Variants in KLHDC8A observed in about 807,000 individuals in gnomAD.
The protein encoded by KLHDC8A is kelch domain containing 8A.
KLHDC8A carries 21 observed loss-of-function variants against 33.1 expected under a neutral mutation model. The observed-to-expected ratio is 0.64, with a 90% confidence interval of 0.45 to 0.91. KLHDC8A has a LOEUF of 0.91. Ranked by LOEUF, KLHDC8A falls within the 40% of genes least tolerant of loss-of-function variation. KLHDC8A has a pLI of 0.00. For missense variants in KLHDC8A, 435 were observed against 483.3 expected (o/e 0.90, Z 0.94); for synonymous variants, 173 against 193.5 (o/e 0.89, Z 0.88).
intron 1 of KLHDC8A, among the ~76,000 whole-genome samples, chr1:205,355,842 G>C (rs185865224): frequency 5.9e-5 from 9 of 152,324 alleles, no homozygotes; most frequent in African/African-American, 2.2e-4. Flanking sequence ...TCGGAAGGCA[G>C]GAACCATGTT....
intron 1 of KLHDC8A, among the ~76,000 whole-genome samples, chr1:205,350,143 C>A (rs1222832015): frequency 6.6e-6 from 1 of 152,240 alleles, no homozygotes; most frequent in Non-Finnish European, 1.5e-5. Context: ...GCGCTGCCAG[C>A]TACCCCAGGT....
intron 5 of KLHDC8A, among the ~76,000 whole-genome samples, chr1:205,337,950 A>C (rs74140885): frequency 0.024 from 3,608 of 152,240 alleles, 123 homozygotes; most frequent in African/African-American, 0.067. Flanking sequence ...TGTCCACACT[A>C]AGTAGACTTG....
chr1:205,355,148 CACAGTGT>C (rs1663232007), intron 1 of KLHDC8A, among the ~76,000 whole-genome samples: 2 of 152,182 alleles, frequency 1.3e-5, no homozygotes, highest in African/African-American at 2.4e-5. Context: ...TTCCAGTGTT[CACAGTGT>C]CACACCCTAA....
intron 1 of KLHDC8A, chr1:205,351,114 C>A: frequency 1.6e-6 from 1 of 634,600 alleles, no homozygotes; most frequent in South Asian, 1.7e-5. Context: ...GAAGGGTCCA[C>A]TCCCCGAAGA....
At chr1:205,341,952 C>T (rs1360339606) in intron 2 of KLHDC8A, among the ~76,000 whole-genome samples, 2 of 152,200 alleles carry the variant, frequency 1.3e-5, no homozygotes, top group Non-Finnish European at 2.9e-5. Context: ...CCCGGCCAAT[C>T]TTTGTTTCTT....
At position 205,337,459 on chromosome 1, in the gene KLHDC8A, C is replaced by A; in HGVS notation, c.993G>T (p.Val331=). Residue 331 remains valine (V), a synonymous_variant, in exon 6 of 6, where the codon GTG becomes GTT. Coordinates refer to ENST00000367155, the MANE Select transcript of KLHDC8A (RefSeq NM_018203.3). The part of the protein sequence containing the change: ...SIVVKNCLLA[V]GGVNQGLSDA... ...CACTCAGACCCTGGTTGACACCTCC[C>A]ACGGCGAGGAGGCAGTTCTTGACGA... The A allele has an allele frequency of 1.2e-6, 2 of 1,613,992 alleles. No homozygotes were observed. Among genetic ancestry groups the A allele is most frequent in the Non-Finnish European group, 1.7e-6 (2 of 1,180,014 alleles).
intron 1 of KLHDC8A, among the ~76,000 whole-genome samples, chr1:205,352,059 G>A (rs1464329639): frequency 6.6e-6 from 1 of 152,180 alleles, no homozygotes; most frequent in East Asian, 1.9e-4. Flanking sequence ...GGATGATGAG[G>A]TTCACAGTTT....
intron 1 of KLHDC8A, among the ~76,000 whole-genome samples, chr1:205,346,362 T>C (rs536673834): frequency 1.3e-5 from 2 of 152,354 alleles, no homozygotes; most frequent in African/African-American, 2.4e-5. Flanking sequence ...TTTAAAGCCA[T>C]AGACCTTCCT....
rs1356173908 is a variant in KLHDC8A, at chr1:205,343,629, G to T, written c.-25C>A. The T allele has an allele frequency of 6.5e-7, 1 of 1,543,268 alleles. No homozygotes were observed. Among genetic ancestry groups the T allele is most frequent in the Non-Finnish European group, 8.7e-7 (1 of 1,143,530 alleles). On this transcript the variant is annotated 5_prime_UTR_variant, in exon 2 of 6. Coordinates refer to ENST00000367155, the MANE Select transcript of KLHDC8A (RefSeq NM_018203.3). ...TGGCAGCCTTGGGGAGCGCCCGGGC[G>T]CCGGGAGAGGTGCGAGCGCGGGGGT...
At chr1:205,341,712 G>A (rs555302288) in intron 2 of KLHDC8A, among the ~76,000 whole-genome samples, 4 of 151,800 alleles carry the variant, frequency 2.6e-5, no homozygotes, top group East Asian at 1.9e-4. Flanking sequence ...GTGCAGTGGC[G>A]CGATCTCGGC....
chr1:205,354,469 C>T (rs756186827), intron 1 of KLHDC8A, among the ~76,000 whole-genome samples: 9 of 152,166 alleles, frequency 5.9e-5, no homozygotes, highest in Non-Finnish European at 8.8e-5. Flanking sequence ...AATCCCTCAC[C>T]AGCAGAGGGC....
chr1:205,341,172 C>A (rs1436328727), intron 2 of KLHDC8A, among the ~76,000 whole-genome samples: 2 of 152,128 alleles, frequency 1.3e-5, no homozygotes, highest in Non-Finnish European at 2.9e-5. Flanking sequence ...AGAGGATGGG[C>A]AAGGCATCTG....
intron 1 of KLHDC8A, among the ~76,000 whole-genome samples, chr1:205,353,503 A>C (rs1486304220): frequency 6.6e-6 from 1 of 152,190 alleles, no homozygotes; most frequent in Non-Finnish European, 1.5e-5. Flanking sequence ...TTTTAAGGGA[A>C]CAAGGGGAAT....
At chr1:205,344,796 A>G (rs1233941018) in intron 1 of KLHDC8A, among the ~76,000 whole-genome samples, 1 of 152,146 alleles carries the variant, frequency 6.6e-6, no homozygotes, top group Non-Finnish European at 1.5e-5. Context: ...GCCGCCCTCG[A>G]AATAGACACA....
intron 1 of KLHDC8A, among the ~76,000 whole-genome samples, chr1:205,345,187 G>C (rs1322700241): frequency 1.3e-5 from 2 of 152,160 alleles, no homozygotes; most frequent in African/African-American, 4.8e-5. Context: ...ACGCAGGCTT[G>C]GGAGGCTGGA....
Position 205,356,870 on chromosome 1 carries a change from G to C in KLHDC8A, c.-527C>G. 1 of 247,646 alleles carries C rather than the reference G, an allele frequency of 4.0e-6. No individual in the cohort carries two copies. Among genetic ancestry groups the C allele is most frequent in the South Asian group, 4.3e-5 (1 of 23,206 alleles). 15.3% of individuals were successfully genotyped at this position (247,646 alleles called of 1,614,324 possible). A position where few individuals can be genotyped will look rare whatever the true frequency, so the allele number is the denominator to read the frequency against. On this transcript the variant is annotated 5_prime_UTR_variant, in exon 1 of 6. Transcript: ENST00000367155. ...CCTCAGCCAGCTCGTCAGAGCCCCA[G>C]TGTCTCCGCGCCTCTCCCTCCACCC...
intron 2 of KLHDC8A, among the ~76,000 whole-genome samples, chr1:205,340,437 C>G (rs754307649): frequency 3.3e-5 from 5 of 152,160 alleles, no homozygotes; most frequent in Non-Finnish European, 7.3e-5. Flanking sequence ...CAGGTCTTAT[C>G]CCCTTCACTG....
chr1:205,337,334 G>A lies in KLHDC8A; in HGVS notation c.*65C>T. Reference sequence around the variant, plus strand: ...GAAGTAGCCCCGACTGCTTGGACAAGATCATTCCTCATGTTAAGAGTGAAG... The same window carrying A: ...GAAGTAGCCCCGACTGCTTGGACAAAATCATTCCTCATGTTAAGAGTGAAG... On this transcript the variant is annotated 3_prime_UTR_variant, in exon 6 of 6. Coordinates refer to ENST00000367155, the MANE Select transcript of KLHDC8A (RefSeq NM_018203.3). The A allele has an allele frequency of 7.4e-7, 1 of 1,353,698 alleles. No individual in the cohort carries two copies. The highest frequency in any genetic ancestry group is 1.1e-6 in the Non-Finnish European group (1 of 948,450). The allele number at this position is 1,353,698 out of a possible 1,614,324, so 83.9% of individuals were successfully genotyped here.
At chr1:205,350,278 A>G (rs1004993943) in intron 1 of KLHDC8A, among the ~76,000 whole-genome samples, 1 of 152,098 alleles carries the variant, frequency 6.6e-6, no homozygotes, top group African/African-American at 2.4e-5. Flanking sequence ...GCTGTGGCGA[A>G]TGGGCTGGCT....
Sources: allele counts gnomAD v4.1 joint callset (sites outside exome capture counted in the v4.1 genomes callset), GRCh38; gene constraint gnomAD v4.1.1; transcripts MANE v1.5; gene names NCBI Gene and HGNC (gene_info 2026-07-23, HGNC 2026-07-21).